FAT1: variants seen among roughly 807,000 people sequenced by gnomAD.
The protein encoded by FAT1 is FAT atypical cadherin 1.
FAT1 carries 171 observed loss-of-function variants against 329.8 expected under a neutral mutation model. The ratio of observed to expected loss-of-function variants is 0.52; its 90% CI spans 0.46 to 0.59. The LOEUF is 0.59. FAT1 is among the 20% of genes least tolerant of loss of function. FAT1 has a pLI of 0.00. For missense variants in FAT1, 5,672 were observed against 5,774.4 expected (o/e 0.98, Z 0.57); for synonymous variants, 2,233 against 2,228.6 (o/e 1.00, Z -0.06).
At chr4:186,704,302 C>T (rs1744471301) in intron 2 of FAT1, among the ~76,000 whole-genome samples, 1 of 152,162 alleles carries the variant, frequency 6.6e-6, no homozygotes, top group Admixed American at 6.5e-5. Context: ...CTGGAAAATA[C>T]CATAAATCTA....
chr4:186,639,080 TA>T (rs1416532309), intron 4 of FAT1, among the ~76,000 whole-genome samples: 1 of 152,214 alleles, frequency 6.6e-6, no homozygotes, highest in Non-Finnish European at 1.5e-5. Flanking sequence ...CAATACATGA[TA>T]ACAAGCTGTG....
At chr4:186,712,175 T>C (rs547728793) in intron 1 of FAT1, among the ~76,000 whole-genome samples, 1 of 152,334 alleles carries the variant, frequency 6.6e-6, no homozygotes, top group Admixed American at 6.5e-5. Context: ...AAAACGAAGC[T>C]GATCCTATTT....
rs747985901 is a variant in FAT1, at chr4:186,603,886, G to A, written c.10640C>T (p.Pro3547Leu). 1 of 1,613,872 alleles carries A rather than the reference G, an allele frequency of 6.2e-7. No individual in the cohort carries two copies. The highest frequency in any genetic ancestry group is 8.5e-7 in the Non-Finnish European group (1 of 1,179,818). Residue 3547 changes from proline (P) to leucine (L), a missense_variant, in exon 19 of 27, where the codon CCC becomes CTC. Coordinates refer to ENST00000441802, the MANE Select transcript of FAT1 (RefSeq NM_005245.4). ...AGAAGAGGTGATGAAAATCTCCAGG[G>A]GCAAAATCGCAGGCGGATAGATGCT... The part of the protein sequence containing the change: ...EESIYPPAIL[P>L]LEIFITSSGE...
intron 10 of FAT1, 142 bp from the exon 11 acceptor site, chr4:186,617,343 T>C: frequency 3.1e-6 from 2 of 650,088 alleles, no homozygotes; most frequent in South Asian, 5.5e-5. Flanking sequence ...TGGCATATAT[T>C]AGCCTTCCAA....
At chr4:186,611,238 A>T in intron 14 of FAT1, 148 bp downstream of exon 14, 1 of 640,756 alleles carries the variant, frequency 1.6e-6, no homozygotes, top group Non-Finnish European at 2.6e-6. Flanking sequence ...ATTCAATCCC[A>T]CTGTAAATAA....
At position 186,667,270 on chromosome 4, in the gene FAT1, A is replaced by G. The variant is rs111895501; in HGVS notation, c.3266-3657T>C. Reference sequence around the variant, plus strand: ...ATCTGCTGGTCCCCACCGACCCATCAGCTGTACAACCAGGGGGTGGGGGAC... The same window carrying G: ...ATCTGCTGGTCCCCACCGACCCATCGGCTGTACAACCAGGGGGTGGGGGAC... On this transcript the variant is annotated intron_variant, in intron 2 of 26. Coordinates refer to ENST00000441802, the MANE Select transcript of FAT1 (RefSeq NM_005245.4). 3.0e-3 allele frequency among the ~76,000 whole-genome samples: 459 copies of G among 152,268 alleles called. 1 individual carries two copies. The highest frequency in any genetic ancestry group is 5.2e-3 in the Non-Finnish European group (353 of 68,014).
chr4:186,669,255 C>T (rs1742617463), intron 2 of FAT1, among the ~76,000 whole-genome samples: 2 of 152,312 alleles, frequency 1.3e-5, no homozygotes, highest in African/African-American at 4.8e-5. Context: ...AGGATTCCCT[C>T]CAGCCAGATG....
intron 9 of FAT1, among the ~76,000 whole-genome samples, chr4:186,622,524 A>C (rs2126529836): frequency 6.6e-6 from 1 of 152,322 alleles, no homozygotes; most frequent in South Asian, 2.1e-4. Flanking sequence ...CTACACAACC[A>C]AAAATATCTG....
At chr4:186,594,105 G>A (rs991962738) in intron 26 of FAT1, among the ~76,000 whole-genome samples, 7 of 151,282 alleles carry the variant, frequency 4.6e-5, no homozygotes, top group Non-Finnish European at 4.4e-5. Flanking sequence ...TCGCTCTGTC[G>A]CCCAGGCTGG....
At chr4:186,624,201 AAT>A (rs1393990571) in intron 9 of FAT1, among the ~76,000 whole-genome samples, 1 of 133,008 alleles carries the variant, frequency 7.5e-6, no homozygotes, top group African/African-American at 2.8e-5. Flanking sequence ...CTTTAGCTAC[AAT>A]ATGAGTGATT....
At chr4:186,643,794 C>A (rs1477267961) in intron 3 of FAT1, among the ~76,000 whole-genome samples, 2 of 139,666 alleles carry the variant, frequency 1.4e-5, no homozygotes, top group Admixed American at 1.4e-4. Flanking sequence ...CTCATCCCCC[C>A]CCCACCCCCA....
At position 186,608,364 on chromosome 4, in the gene FAT1, C is replaced by T. The variant is rs577052752; in HGVS notation, c.10206+819G>A. Among the ~76,000 whole-genome samples, 7 of 152,138 alleles carry T rather than the reference C, an allele frequency of 4.6e-5. No individual in the cohort carries two copies. In the East Asian group the frequency reaches 5.8e-4, roughly 13 times the overall value. ...TGCAATGTAAATGGTTGTTATACTG[C>T]GGGTCGGGGTTGTATTTTTTTTGTT... On this transcript the variant is annotated intron_variant, in intron 16 of 26. Coordinates refer to ENST00000441802, the MANE Select transcript of FAT1 (RefSeq NM_005245.4).
intron 2 of FAT1, among the ~76,000 whole-genome samples, chr4:186,694,532 A>G (rs1743937491): frequency 6.6e-6 from 1 of 152,240 alleles, no homozygotes; most frequent in Non-Finnish European, 1.5e-5. Flanking sequence ...AACTACTTTT[A>G]GTTTACATAC....
At chr4:186,635,968 T>C (rs1481272035) in intron 6 of FAT1, 57 bp downstream of exon 6, 4 of 1,471,654 alleles carry the variant, frequency 2.7e-6, no homozygotes, top group East Asian at 4.6e-5. Context: ...TCAAACCGTA[T>C]GCAGGTTCTC....
At chr4:186,639,865 AGGTGC>A (rs1303696104) in intron 3 of FAT1, 82 bp from the exon 4 acceptor site, 1 of 1,183,250 alleles carries the variant, frequency 8.5e-7, no homozygotes. Context: ...ACTCTTGGCC[AGGTGC>A]GGTAGCTCAT....
upstream of FAT1, among the ~76,000 whole-genome samples, chr4:186,725,567 C>A (rs1318288735): frequency 6.6e-6 from 1 of 151,870 alleles, no homozygotes; most frequent in Non-Finnish European, 1.5e-5. This position sits in a 1 kb window ranked among gnomAD's most constrained non-coding sequence, Gnocchi z 5.4. Context: ...ACTTCGTCGC[C>A]ACAGGAGCCG....
intron 3 of FAT1, among the ~76,000 whole-genome samples, chr4:186,643,262 C>T (rs1368976652): frequency 2.0e-5 from 3 of 152,170 alleles, no homozygotes; most frequent in Non-Finnish European, 4.4e-5. Flanking sequence ...CACCGGTCTA[C>T]TCAGGAGGCA....
intron 1 of FAT1, among the ~76,000 whole-genome samples, chr4:186,713,432 A>G (rs1745058224): frequency 6.6e-6 from 1 of 152,044 alleles, no homozygotes; most frequent in South Asian, 2.1e-4. Flanking sequence ...AAGCGGGTAA[A>G]ATCAACACGA....
intron 9 of FAT1, among the ~76,000 whole-genome samples, chr4:186,623,832 C>G (rs1164390513): frequency 6.6e-6 from 1 of 152,196 alleles, no homozygotes; most frequent in African/African-American, 2.4e-5. Flanking sequence ...GGATTACAAC[C>G]TTGCTCTTTA....
Sources: gnomAD v4.1 joint callset for allele counts (sites outside exome capture counted in the v4.1 genomes callset) on GRCh38, gnomAD v4.1.1 for gene constraint, Gnocchi (gnomAD v3.1) non-coding constraint, MANE v1.5 for transcripts, NCBI Gene and HGNC (gene_info 2026-07-23, HGNC 2026-07-21) for gene names.